EIF2B2: variants seen among roughly 807,000 people sequenced by gnomAD.
EIF2B2 encodes translation initiation factor eIF2B subunit beta.
In EIF2B2, 34 loss-of-function variants were observed where a neutral mutation model predicts 34.7. The observed-to-expected ratio is 0.98, with a 90% CI of 0.75 to 1.31. The LOEUF (loss-of-function observed/expected upper bound fraction) is 1.31, where lower values mean the gene tolerates loss of function less well. Ranked by LOEUF, EIF2B2 falls within the 50% of genes most tolerant of loss-of-function variation. EIF2B2 has a pLI of 0.00. For missense variants in EIF2B2, 361 were observed against 447.7 expected, an observed-to-expected ratio of 0.81 and a Z score of 1.75; for synonymous variants, 155 against 171.6, an observed-to-expected ratio of 0.90 and a Z score of 0.76.
chr14:75,010,125 A>G lies in EIF2B2; in HGVS notation c.*937A>G, dbSNP rs955549776. 9 of 152,190 alleles carry G rather than the reference A, an allele frequency of 5.9e-5. No individual in the cohort carries two copies. Among genetic ancestry groups the G allele is most frequent in the Non-Finnish European group, 1.5e-5 (1 of 68,046 alleles). 9.4% of individuals were successfully genotyped at this position (152,190 alleles called of 1,614,324 possible). ...CAAAACCTCGCTGATCATCAGAATCACCTGAGAGTGATTCCGATCACTCAC... is the reference window on the plus strand; with the variant it reads ...CAAAACCTCGCTGATCATCAGAATCGCCTGAGAGTGATTCCGATCACTCAC... On this transcript the variant is annotated 3_prime_UTR_variant, in exon 8 of 8. Coordinates refer to ENST00000266126, the MANE Select transcript of EIF2B2 (RefSeq NM_014239.4).
chr14:75,003,117 C>T lies in EIF2B2; in HGVS notation c.127C>T (p.Arg43Cys), dbSNP rs372838502. ...EMARETLGLLRQIITDHRWSN... is the reference protein window; with the variant it reads ...EMARETLGLLCQIITDHRWSN... ...GGCTCGGGAGACCCTAGGGTTGCTG[C>T]GCCAGATCATCACGGACCACCGCTG... is the stretch of plus-strand genomic sequence containing the variant. Residue 43 changes from arginine to cysteine, a missense_variant, in exon 1 of 8, where the codon CGC becomes TGC. Physicochemically the swap from Arg to Cys is radical, Grantham distance 180. Transcript: ENST00000266126. The T allele has an allele frequency of 1.3e-5, 21 of 1,613,426 alleles. No individual in the cohort carries two copies. Among genetic ancestry groups the T allele is most frequent in the Non-Finnish European group, 1.7e-5 (20 of 1,179,970 alleles).
intron 7 of EIF2B2, chr14:75,008,128 G>T: frequency 3.3e-6 from 1 of 307,432 alleles, no homozygotes; most frequent in South Asian, 3.0e-5. Context: ...CCTGCTATAA[G>T]GAGTCATTTT....
intron 3 of EIF2B2, 48 bp from the exon 4 acceptor site, chr14:75,004,689 A>ATATATATATATATATATATATATTTAT: frequency 6.8e-6 from 1 of 146,204 alleles, no homozygotes; most frequent in African/African-American, 7.2e-5. Flanking sequence ...ATATATATAT[A>ATATATATATATATATATATATATTTAT]TTTTTTTTTT....
intron 4 of EIF2B2, among the ~76,000 whole-genome samples, chr14:75,005,324 C>G (rs1468963364): frequency 6.6e-6 from 1 of 151,744 alleles, no homozygotes; most frequent in Non-Finnish European, 1.5e-5. Flanking sequence ...TTGCAATGAG[C>G]CAAGATAGCG....
chr14:75,008,073 G>A (rs575936765), intron 7 of EIF2B2: 55 of 368,834 alleles, frequency 1.5e-4, no homozygotes, highest in African/African-American at 1.1e-3. Context: ...TTTGCATGCT[G>A]TTTGAGATAT....
At position 75,009,269 on chromosome 14, in the gene EIF2B2, C is replaced by A; in HGVS notation, c.*81C>A. Reference sequence around the variant, plus strand: ...CTTGAGTGTTGCTGCTGAAGCACATCCTTGCAATGTGGGAGTGCACAGGAG... The same window carrying A: ...CTTGAGTGTTGCTGCTGAAGCACATACTTGCAATGTGGGAGTGCACAGGAG... On this transcript the variant is annotated 3_prime_UTR_variant, in exon 8 of 8. Transcript: ENST00000266126. 1.9e-6 allele frequency: 3 copies of A among 1,562,054 alleles called. No individual in the cohort carries two copies. Among genetic ancestry groups the A allele is most frequent in the Non-Finnish European group, 2.6e-6 (3 of 1,137,484 alleles).
chr14:75,006,790 C>T lies in EIF2B2; in HGVS notation c.831+76C>T, dbSNP rs1889632645. 6.3e-7 allele frequency: 1 copy of T among 1,590,166 alleles called. No individual in the cohort carries two copies. The highest frequency in any genetic ancestry group is 8.6e-7 in the Non-Finnish European group (1 of 1,163,250). ...AGGGTAGGCTTGAACTCTGGGACTT[C>T]AACCACCTCACTCCAGGGCCTCCAT... On this transcript the variant is annotated intron_variant, in intron 6 of 7. Transcript: ENST00000266126. The surrounding 1 kb of genome is among the most constrained non-coding windows in gnomAD (Gnocchi z 4.1).
chr14:75,011,772 CCAATTCTAACAG>C lies in EIF2B2; in HGVS notation c.*2591_*2602del, dbSNP rs555459910. The C allele has an allele frequency of 1.7e-4, 26 of 152,282 alleles. No homozygotes were observed. In the East Asian group the frequency reaches 4.8e-3, roughly 28 times the overall value. The allele number at this position is 152,282 out of a possible 1,614,324, so 9.4% of individuals were successfully genotyped here. A position where few individuals can be genotyped will look rare whatever the true frequency, so the allele number is the denominator to read the frequency against. On this transcript the variant is annotated 3_prime_UTR_variant, in exon 8 of 8. Coordinates refer to ENST00000266126, the MANE Select transcript of EIF2B2 (RefSeq NM_014239.4). ...CGAGCAATTGTCTCCTCCAAAGGCA[CCAATTCTAACAG>C]CAATTCACTTGGGTACAATTGTGTG...
rs175043 is a variant in EIF2B2, at chr14:75,005,100, G to A, written c.597+200G>A. The stretch of plus-strand genomic sequence containing the variant: ...ATAGTGGTTTAAGAAAGTTGGGGCC[G>A]GGAGCGATGGCTCATGCCTGTAATC... On this transcript the variant is annotated intron_variant, in intron 4 of 7. Coordinates refer to ENST00000266126, the MANE Select transcript of EIF2B2 (RefSeq NM_014239.4). The A allele has an allele frequency of 0.42, 241,485 of 575,448 alleles. 52,498 individuals carry two copies. Among genetic ancestry groups the A allele is most frequent in the Middle Eastern group, 0.5 (991 of 2,002 alleles). The allele number at this position is 575,448 out of a possible 1,614,324, so 35.6% of individuals were successfully genotyped here.
Position 75,005,860 on chromosome 14 carries a change from T to C in EIF2B2, c.598-6T>C, listed in dbSNP as rs1889619202. ...TCTTAGAATCAGCCTTTCCCTCCCA[T>C]TGCAGGGTCATGAAATGGCTGTGAA... On this transcript the variant is annotated splice_region_variant and splice_polypyrimidine_tract_variant and intron_variant, in intron 4 of 7. Transcript: ENST00000266126. The C allele has an allele frequency of 6.2e-7, 1 of 1,609,770 alleles. No homozygotes were observed. The highest frequency in any genetic ancestry group is 8.5e-7 in the Non-Finnish European group (1 of 1,176,310).
chr14:75,006,199 A>G lies in EIF2B2; in HGVS notation c.693+238A>G. ...AGCATTGAAAAGAATGAAGTATTAAATAGAACTAAGGCAAGAGTGTCAGTT... is the reference window on the plus strand; with the variant it reads ...AGCATTGAAAAGAATGAAGTATTAAGTAGAACTAAGGCAAGAGTGTCAGTT... On this transcript the variant is annotated intron_variant, in intron 5 of 7. Transcript: ENST00000266126. This position sits in a 1 kb window ranked among gnomAD's most constrained non-coding sequence, Gnocchi z 4.1. The G allele has an allele frequency of 1.9e-6, 1 of 521,690 alleles. No individual in the cohort carries two copies. Among genetic ancestry groups the G allele is most frequent in the Admixed American group, 3.1e-5 (1 of 31,858 alleles). 32.3% of individuals were successfully genotyped at this position (521,690 alleles called of 1,614,324 possible).
At chr14:75,007,434 G>C (rs951739198) in intron 6 of EIF2B2, 2 of 369,372 alleles carry the variant, frequency 5.4e-6, no homozygotes, top group Admixed American at 4.0e-5. Flanking sequence ...TGTTGTGCCT[G>C]ACTTTTTTCA....
intron 1 of EIF2B2, 29 bp downstream of exon 1, chr14:75,003,182 C>T (rs1195154857): frequency 1.2e-6 from 2 of 1,613,272 alleles, no homozygotes; most frequent in African/African-American, 1.3e-5. Flanking sequence ...CGCCGGCGAA[C>T]CTGGCCCCTG....
At chr14:75,007,101 G>C in intron 6 of EIF2B2, 1 of 467,978 alleles carries the variant, frequency 2.1e-6, no homozygotes, top group Non-Finnish European at 4.3e-6. Flanking sequence ...AGGACTAAGT[G>C]AAGAGCCATT....
chr14:75,004,689 A>ATATATTTTTTT lies in EIF2B2; in HGVS notation c.434-47_434-46insATATTTTTTTT. ...TTCATATATATATATATATATATAT[A>ATATATTTTTTT]TTTTTTTTTTTTTTTTTTTTTTTTT... On this transcript the variant is annotated intron_variant, in intron 3 of 7. Coordinates refer to ENST00000266126, the MANE Select transcript of EIF2B2 (RefSeq NM_014239.4). The ATATATTTTTTT allele has an allele frequency of 5.7e-4, 88 of 155,260 alleles. 2 individuals carry two copies. The highest frequency in any genetic ancestry group is 6.4e-4 in the African/African-American group (9 of 13,988). 9.6% of individuals were successfully genotyped at this position (155,260 alleles called of 1,614,324 possible). A position where few individuals can be genotyped will look rare whatever the true frequency, so the allele number is the denominator to read the frequency against.
In EIF2B2 at chr14:75,005,905, G is replaced by A; in HGVS notation, c.637G>A (p.Glu213Lys). 3 of 1,613,646 alleles carry A rather than the reference G, an allele frequency of 1.9e-6. No homozygotes were observed. The highest frequency in any genetic ancestry group is 2.5e-6 in the Non-Finnish European group (3 of 1,179,650). Reference protein sequence around the residue: ...MAVNLSKAGIETTVMTDAAIF... With the variant: ...MAVNLSKAGIKTTVMTDAAIF... ...TGTGAATTTGTCCAAAGCAGGTATT[G>A]AGACAACTGTCATGACTGATGCTGC... is the stretch of plus-strand genomic sequence containing the variant. Residue 213 changes from glutamate (E) to lysine (K), a missense_variant, in exon 5 of 8, where the codon GAG (glutamate) becomes AAG (lysine). Physicochemically the swap from Glu to Lys is moderately conservative, Grantham distance 56 (BLOSUM62 1). Coordinates refer to ENST00000266126, the MANE Select transcript of EIF2B2 (RefSeq NM_014239.4).
Position 75,003,353 on chromosome 14 carries a change from T to A in EIF2B2, c.242T>A (p.Met81Lys), listed in dbSNP as rs377659896. Residue 81 changes from methionine (M) to lysine (K), a missense_variant, in exon 2 of 8, where the codon ATG (methionine) becomes AAG (lysine). Coordinates refer to ENST00000266126, the MANE Select transcript of EIF2B2 (RefSeq NM_014239.4). ...AQPSETTVGNMVRRVLKIIRE... is the reference protein window; with the variant it reads ...AQPSETTVGNKVRRVLKIIRE... Reference sequence around the variant, plus strand: ...CCCTCCGAGACCACCGTGGGCAACATGGTGCGGAGAGTGCTCAAGATTATC... The same window carrying A: ...CCCTCCGAGACCACCGTGGGCAACAAGGTGCGGAGAGTGCTCAAGATTATC... The A allele has an allele frequency of 3.7e-6, 6 of 1,613,650 alleles. No individual in the cohort carries two copies. The highest frequency in any genetic ancestry group is 5.1e-6 in the Non-Finnish European group (6 of 1,179,924).
Position 75,007,877 on chromosome 14 carries a change from G to C in EIF2B2, c.898+89G>C, listed in dbSNP as rs766054595. On this transcript the variant is annotated intron_variant, in intron 7 of 7. Coordinates refer to ENST00000266126, the MANE Select transcript of EIF2B2 (RefSeq NM_014239.4). The stretch of plus-strand genomic sequence containing the variant: ...GTTTTGGTCTTTTTGTTGTTTTGTT[G>C]GTCAGTAGAACTGAATGCTGTCAAG... 8.4e-6 allele frequency: 11 copies of C among 1,314,922 alleles called. No homozygotes were observed. The Admixed American group carries it at 1.4e-4, about 17-fold the overall frequency. 81.5% of individuals were successfully genotyped at this position (1,314,922 alleles called of 1,614,324 possible).
chr14:75,004,689 A>ATTGTTTT (rs1889596808), intron 3 of EIF2B2, 48 bp from the exon 4 acceptor site: 1 of 146,204 alleles, frequency 6.8e-6, no homozygotes, highest in Non-Finnish European at 1.0e-5. Context: ...ATATATATAT[A>ATTGTTTT]TTTTTTTTTT....
Sources: allele counts gnomAD v4.1 joint callset (sites outside exome capture counted in the v4.1 genomes callset), GRCh38; gene constraint gnomAD v4.1.1; non-coding constraint Gnocchi (gnomAD v3.1); transcripts MANE v1.5; gene names NCBI Gene and HGNC (gene_info 2026-07-23, HGNC 2026-07-21).